FUS: variants seen among roughly 807,000 people sequenced by gnomAD.
The protein encoded by FUS is FUS RNA binding protein.
In FUS, 5 loss-of-function variants were observed where a neutral mutation model predicts 82.7. That is an observed-to-expected ratio of 0.06 (90% CI 0.03 to 0.13). The LOEUF is 0.13. FUS is among the 10% of genes least tolerant of loss of function. FUS has a pLI of 1.00. For synonymous variants in FUS, 281 were observed against 247.4 expected, an observed-to-expected ratio of 1.14 and a Z score of -1.27; for missense variants, 512 against 707.8, an observed-to-expected ratio of 0.72 and a Z score of 3.14.
At chr16:31,194,090 G>T (rs1041812718), downstream of FUS, 1 of 534,112 alleles carries the variant, frequency 1.9e-6, no homozygotes, top group African/African-American at 1.9e-5. Flanking sequence ...TCCCTTCCTT[G>T]ATGTAGCCTT....
intron 8 of FUS, 193 bp downstream of exon 8, chr16:31,188,550 T>C: frequency 1.5e-6 from 1 of 666,870 alleles, no homozygotes; most frequent in Non-Finnish European, 2.6e-6. Context: ...GGCTTGTGGG[T>C]TCCACCCCCA....
intron 1 of FUS, 156 bp from the exon 2 acceptor site, chr16:31,182,242 C>T (rs756062578): frequency 2.4e-6 from 2 of 827,420 alleles, no homozygotes; most frequent in East Asian, 2.6e-5. Context: ...CCACCCACCT[C>T]GGCCTCCCAA....
At chr16:31,182,326 A>C in intron 1 of FUS, 72 bp from the exon 2 acceptor site, 1 of 1,560,294 alleles carries the variant, frequency 6.4e-7, no homozygotes, top group East Asian at 2.2e-5. Context: ...GCTTGAGTTA[A>C]GGAATTTAGC....
At chr16:31,183,667 T>G in intron 3 of FUS, 191 bp from the exon 4 acceptor site, 1 of 669,862 alleles carries the variant, frequency 1.5e-6, no homozygotes, top group East Asian at 2.8e-5. Context: ...TACTAAAGAG[T>G]TGGTAGAAGT....
downstream of FUS, chr16:31,193,357 T>C: frequency 1.9e-6 from 1 of 524,910 alleles, no homozygotes; most frequent in Non-Finnish European, 3.7e-6. Flanking sequence ...TTAGTACATG[T>C]AGAGGATGTG....
At chr16:31,187,892 CTGG>C (rs2079293741) in intron 7 of FUS, 1 of 267,396 alleles carries the variant, frequency 3.7e-6, no homozygotes, top group Admixed American at 4.8e-5. Flanking sequence ...GGTTAAGTGT[CTGG>C]TGGTAAAGTT....
At chr16:31,194,438 C>T (rs1294905703), downstream of FUS, 2 of 506,898 alleles carry the variant, frequency 3.9e-6, no homozygotes, top group East Asian at 8.7e-5. Flanking sequence ...GGACTACAGG[C>T]ACCTGCCACC....
At chr16:31,194,653 G>C (rs2079400952), downstream of FUS, 1 of 488,582 alleles carries the variant, frequency 2.0e-6, no homozygotes, top group African/African-American at 1.9e-5. Context: ...GGGGTACAAT[G>C]TCCTATTTCT....
chr16:31,189,023 A>T lies in FUS; in HGVS notation c.833-100A>T, dbSNP rs962896482. ...CTTTTTAGTTGTCTTCCATAAACCA[A>T]ATGATACCAGTTGCTTGATGGATAC... On this transcript the variant is annotated intron_variant, in intron 8 of 14. Transcript: ENST00000254108. 6.8e-6 allele frequency: 6 copies of T among 878,104 alleles called. No individual in the cohort carries two copies. In the African/African-American group the frequency reaches 8.2e-5, roughly 12 times the overall value. 54.4% of individuals were successfully genotyped at this position (878,104 alleles called of 1,614,324 possible). A position where few individuals can be genotyped will look rare whatever the true frequency, so the allele number is the denominator to read the frequency against.
At position 31,187,228 on chromosome 16, in the gene FUS, T is replaced by A. The variant is rs567375321; in HGVS notation, c.799+392T>A. On this transcript the variant is annotated intron_variant, in intron 7 of 14. Transcript: ENST00000254108. ...TGTCCAAGGCTTGTGTGTGTGTGAG[T>A]GTGTGGGAGACAACTCCGAATGTTT... 38 of 335,606 alleles carry A rather than the reference T, an allele frequency of 1.1e-4. No homozygotes were observed. The East Asian group carries it at 1.6e-3, about 14-fold the overall frequency. 20.8% of individuals were successfully genotyped at this position (335,606 alleles called of 1,614,324 possible). A position where few individuals can be genotyped will look rare whatever the true frequency, so the allele number is the denominator to read the frequency against.
chr16:31,185,911 A>G (rs2079262488), intron 6 of FUS: 1 of 250,978 alleles, frequency 4.0e-6, no homozygotes, highest in Non-Finnish European at 7.9e-6. Context: ...AACAGTTGTC[A>G]AATCTGTTGG....
In FUS at chr16:31,184,017, A is replaced by ATG; in HGVS notation, c.335+17_335+18dup. The stretch of plus-strand genomic sequence containing the variant: ...ACCTCGGGAAGGTACGGTGGTGTTG[A>ATG]TGTCGGGGAAGGCTTGAAAAGAGGG... On this transcript the variant is annotated intron_variant, in intron 4 of 14. Coordinates refer to ENST00000254108, the MANE Select transcript of FUS (RefSeq NM_004960.4). 1.2e-6 allele frequency: 2 copies of ATG among 1,614,008 alleles called. No individual in the cohort carries two copies. The highest frequency in any genetic ancestry group is 1.7e-6 in the Non-Finnish European group (2 of 1,179,992).
chr16:31,186,669 G>T (rs1004956636), intron 6 of FUS, 133 bp from the exon 7 acceptor site: 4 of 783,760 alleles, frequency 5.1e-6, no homozygotes, highest in Non-Finnish European at 9.1e-6. Flanking sequence ...AGGAAGGGAT[G>T]TATTTTAGTA....
At chr16:31,189,417 A>G (rs1205917387) in intron 9 of FUS, among the ~76,000 whole-genome samples, 191 bp downstream of exon 9, 1 of 152,250 alleles carries the variant, frequency 6.6e-6, no homozygotes, top group Non-Finnish European at 1.5e-5. Flanking sequence ...TAACACAAAA[A>G]GTATAACTTA....
In FUS at chr16:31,191,453, C is replaced by G. The variant is rs2144142816; in HGVS notation, c.*15C>G. On this transcript the variant is annotated 3_prime_UTR_variant, in exon 15 of 15. Transcript: ENST00000254108. ...GGCCGTATTAATTAGCCTGGCTCCCCAGGTTCTGGAACAGCTTTTTGTCCT... is the reference window on the plus strand; with the variant it reads ...GGCCGTATTAATTAGCCTGGCTCCCGAGGTTCTGGAACAGCTTTTTGTCCT... 2 of 1,613,428 alleles carry G rather than the reference C, an allele frequency of 1.2e-6. No individual in the cohort carries two copies. Among genetic ancestry groups the G allele is most frequent in the East Asian group, 4.5e-5 (2 of 44,886 alleles).
chr16:31,191,375 T>TA (rs747641268), intron 14 of FUS, 24 bp from the exon 15 acceptor site: 9 of 1,602,234 alleles, frequency 5.6e-6, no homozygotes, highest in Non-Finnish European at 7.7e-6. Context: ...AATGGATACT[T>TA]AATTTTTTTT....
intron 7 of FUS, chr16:31,187,128 A>T (rs1472647031): frequency 3.9e-6 from 2 of 515,064 alleles, no homozygotes; most frequent in African/African-American, 3.8e-5. Flanking sequence ...CTTAGTGACC[A>T]TCATCATGAG....
chr16:31,180,197 G>T lies in FUS; in HGVS notation c.-18G>T. 6.2e-7 allele frequency: 1 copy of T among 1,610,764 alleles called. No individual in the cohort carries two copies. Among genetic ancestry groups the T allele is most frequent in the Non-Finnish European group, 8.5e-7 (1 of 1,178,548 alleles). On this transcript the variant is annotated 5_prime_UTR_variant, in exon 1 of 15. Coordinates refer to ENST00000254108, the MANE Select transcript of FUS (RefSeq NM_004960.4). ...TTGGAACTTCGTTGCTTGCTTGCCT[G>T]TGCGCGCGTGCGCGGACATGGCCTC...
Position 31,184,992 on chromosome 16 carries a change from G to T in FUS, c.577G>T (p.Gly193Cys), listed in dbSNP as rs1436552220. 6.2e-7 allele frequency: 1 copy of T among 1,613,726 alleles called. No homozygotes were observed. Among genetic ancestry groups the T allele is most frequent in the Non-Finnish European group, 8.5e-7 (1 of 1,179,952 alleles). ...GAGTAGTGGTGGTGGCAGTGGTGGC[G>T]GTTATGGCAATCAAGACCAGAGTGG... Reference protein sequence around the residue: ...SMSSGGGSGGGYGNQDQSGGG... With the variant: ...SMSSGGGSGGCYGNQDQSGGG... Residue 193 changes from glycine (G) to cysteine (C), a missense_variant, in exon 6 of 15, where the codon GGT becomes TGT. Physicochemically the swap from Gly to Cys is radical, Grantham distance 159 (BLOSUM62 -3). Coordinates refer to ENST00000254108, the MANE Select transcript of FUS (RefSeq NM_004960.4).
Sources: allele counts gnomAD v4.1 joint callset (sites outside exome capture counted in the v4.1 genomes callset), GRCh38; gene constraint gnomAD v4.1.1; transcripts MANE v1.5; gene names NCBI Gene and HGNC (gene_info 2026-07-23, HGNC 2026-07-21).